The following SRGAP2C variants were observed in gnomAD, a reference collection of about 807,000 sequenced individuals.
SRGAP2C encodes the protein SLIT-ROBO Rho GTPase activating protein 2C, also known as SLIT-ROBO Rho GTPase-activating protein 2C.
In SRGAP2C, 15 loss-of-function variants were observed where a neutral mutation model predicts 25.1. That is an observed-to-expected ratio of 0.60 (90% CI 0.40 to 0.92). The LOEUF is 0.92. Ranked by LOEUF, SRGAP2C falls within the 40% of genes least tolerant of loss-of-function variation. SRGAP2C has a pLI of 0.00. For missense variants in SRGAP2C, 144 were observed against 264.4 expected (o/e 0.54, Z 3.16); for synonymous variants, 44 against 96.6 (o/e 0.46, Z 3.19).
intron 2 of SRGAP2C, among the ~76,000 whole-genome samples, chr1:121,273,280 T>TA (rs11379508): frequency 1.6e-4 from 15 of 93,874 alleles, no homozygotes; most frequent in Admixed American, 3.4e-4. Flanking sequence ...TACCTTTCCA[T>TA]AAAAAAAAAC....
intron 2 of SRGAP2C, among the ~76,000 whole-genome samples, chr1:121,195,682 T>C (rs1553320503): frequency 6.8e-6 from 1 of 146,914 alleles, no homozygotes; most frequent in Admixed American, 6.9e-5. Context: ...CATTTCTTAT[T>C]TTGCTTTAAG....
intron 2 of SRGAP2C, among the ~76,000 whole-genome samples, chr1:121,198,076 C>T (rs1654879537): frequency 2.7e-5 from 1 of 36,556 alleles, no homozygotes; most frequent in South Asian, 1.6e-3. Flanking sequence ...AGGAGAGGTC[C>T]TAAGGAACAA....
chr1:121,343,004 ATTC>A (rs1398470224), intron 4 of SRGAP2C, among the ~76,000 whole-genome samples: 3 of 147,760 alleles, frequency 2.0e-5, no homozygotes, highest in Non-Finnish European at 4.5e-5. Flanking sequence ...TAAAATAGAT[ATTC>A]TTCTTGGAAA....
At chr1:121,284,267 G>T (rs1348201112) in intron 2 of SRGAP2C, among the ~76,000 whole-genome samples, 1 of 145,988 alleles carries the variant, frequency 6.8e-6, no homozygotes, top group Admixed American at 6.9e-5. Flanking sequence ...ACTTCATGAA[G>T]ATGGTAAACA....
At chr1:121,275,036 T>C (rs1412354986) in intron 2 of SRGAP2C, among the ~76,000 whole-genome samples, 1 of 150,870 alleles carries the variant, frequency 6.6e-6, no homozygotes, top group Non-Finnish European at 1.5e-5. Context: ...CGCTTCTGTT[T>C]AAATCCCCCC....
intron 5 of SRGAP2C, among the ~76,000 whole-genome samples, chr1:121,366,247 A>C (rs1225426949): frequency 6.7e-6 from 1 of 148,532 alleles, no homozygotes; most frequent in Non-Finnish European, 1.5e-5. Flanking sequence ...TCTGATGTTT[A>C]CTTGCTTATT....
At chr1:121,283,772 C>T (rs1300029788) in intron 2 of SRGAP2C, among the ~76,000 whole-genome samples, 13 of 151,800 alleles carry the variant, frequency 8.6e-5, no homozygotes, top group African/African-American at 2.2e-4. Context: ...AGGATACACA[C>T]TGCAAGCCTT....
chr1:121,202,350 T>G (rs1263287125), intron 2 of SRGAP2C, among the ~76,000 whole-genome samples: 1 of 152,030 alleles, frequency 6.6e-6, no homozygotes, highest in Non-Finnish European at 1.5e-5. Flanking sequence ...CCTCCAGTGT[T>G]GGGACACTTT....
At chr1:121,258,606 C>T (rs1186121661) in intron 2 of SRGAP2C, among the ~76,000 whole-genome samples, 1 of 150,838 alleles carries the variant, frequency 6.6e-6, no homozygotes, top group East Asian at 1.9e-4. Context: ...GCTGGGATTA[C>T]AGGCATGTGC....
At chr1:121,256,147 CA>C (rs1294218038) in intron 2 of SRGAP2C, among the ~76,000 whole-genome samples, 2 of 127,890 alleles carry the variant, frequency 1.6e-5, no homozygotes, top group African/African-American at 5.9e-5. Flanking sequence ...AACAAACAAA[CA>C]AAAAACTAGG....
chr1:121,327,565 TAAA>T, intron 4 of SRGAP2C, among the ~76,000 whole-genome samples: 1 of 79,292 alleles, frequency 1.3e-5, no homozygotes, highest in South Asian at 4.3e-4. Flanking sequence ...CCCTGACTCC[TAAA>T]AAAAAAAAAT....
intron 3 of SRGAP2C, among the ~76,000 whole-genome samples, chr1:121,313,775 G>C (rs1284137094): frequency 8.1e-6 from 1 of 123,760 alleles, no homozygotes; most frequent in Non-Finnish European, 1.7e-5. Context: ...CTGGCTTGTA[G>C]GGTTTCTGCC....
chr1:121,222,740 C>A (rs1655561439), intron 2 of SRGAP2C, among the ~76,000 whole-genome samples: 2 of 152,182 alleles, frequency 1.3e-5, no homozygotes, highest in African/African-American at 4.8e-5. Context: ...GGAGGACCAC[C>A]TACCATCAGA....
chr1:121,266,478 T>C (rs1254621348), intron 2 of SRGAP2C, among the ~76,000 whole-genome samples: 3 of 152,034 alleles, frequency 2.0e-5, no homozygotes, highest in East Asian at 3.9e-4. Context: ...TCTGAGGCTC[T>C]AAACTGCCCA....
chr1:121,313,798 G>C (rs1402913945), intron 3 of SRGAP2C, among the ~76,000 whole-genome samples: 2 of 130,550 alleles, frequency 1.5e-5, no homozygotes, highest in African/African-American at 5.8e-5. Context: ...GAGATCCACT[G>C]TTAGTCTGAT....
intron 2 of SRGAP2C, among the ~76,000 whole-genome samples, chr1:121,213,173 G>A (rs1394579523): frequency 6.7e-6 from 1 of 149,364 alleles, no homozygotes; most frequent in Non-Finnish European, 1.5e-5. Flanking sequence ...AGCCACCCCG[G>A]TAGCTGGGAT....
intron 3 of SRGAP2C, among the ~76,000 whole-genome samples, chr1:121,306,895 C>A (rs1657853839): frequency 1.3e-5 from 2 of 152,118 alleles, no homozygotes; most frequent in African/African-American, 2.4e-5. Flanking sequence ...TAGCTGAGAA[C>A]AATACTTTCA....
In SRGAP2C at chr1:121,239,286, A is replaced by AC. The variant is rs1656066399; in HGVS notation, c.68-45517_68-45516insC. On this transcript the variant is annotated intron_variant, in intron 2 of 9. Transcript: ENST00000367123. Reference sequence around the variant, plus strand: ...TATATACTATATATATATATACTATATATATATATATATACATGCAACAAA... The same window carrying AC: ...TATATACTATATATATATATACTATACTATATATATATATACATGCAACAAA... Among the ~76,000 whole-genome samples, 2 of 14,750 alleles carry AC rather than the reference A, an allele frequency of 1.4e-4. 1 individual carries two copies. The highest frequency in any genetic ancestry group is 2.4e-3 in the South Asian group (2 of 826). The allele number at this position is 14,750 out of a possible 152,430, so 9.7% of individuals were successfully genotyped here.
chr1:121,237,711 A>C (rs1186879386), intron 2 of SRGAP2C, among the ~76,000 whole-genome samples: 2 of 151,210 alleles, frequency 1.3e-5, no homozygotes, highest in East Asian at 3.9e-4. Flanking sequence ...TTTCCCTTTG[A>C]TTTTGAGTAA....
Sources: allele counts gnomAD v4.1 joint callset (sites outside exome capture counted in the v4.1 genomes callset), GRCh38; gene constraint gnomAD v4.1.1; transcripts MANE v1.5; gene names NCBI Gene and HGNC (gene_info 2026-07-23, HGNC 2026-07-21).